ALDH1A1: variants seen among roughly 807,000 people sequenced by gnomAD.
ALDH1A1 encodes the protein aldehyde dehydrogenase 1A1.
ALDH1A1 carries 19 observed loss-of-function variants against 62.1 expected under a neutral mutation model. That is an observed-to-expected ratio of 0.31 (90% CI 0.21 to 0.45). The LOEUF is 0.45. Among genes scored for constraint, ALDH1A1 ranks in the 20% least tolerant of loss-of-function variants. The probability of loss-of-function intolerance (pLI) is 1.00; values close to 1 mark genes in which losing one functional copy is unlikely to be tolerated. For missense variants in ALDH1A1, 521 were observed against 607.1 expected (o/e 0.86, Z 1.49); for synonymous variants, 231 against 215.9 (o/e 1.07, Z -0.61).
At chr9:72,924,167 G>T in intron 6 of ALDH1A1, 35 bp from the exon 7 acceptor site, 1 of 1,457,142 alleles carries the variant, frequency 6.9e-7, no homozygotes, top group Non-Finnish European at 9.5e-7. Context: ...TACAGTATAA[G>T]AATTTAATTC....
intron 1 of ALDH1A1, among the ~76,000 whole-genome samples, chr9:72,949,258 G>A (rs944478975): frequency 6.6e-6 from 1 of 151,754 alleles, no homozygotes; most frequent in Non-Finnish European, 1.5e-5. Context: ...TTCTAAGTTG[G>A]CTGCAAACTT....
At chr9:72,932,553 T>C (rs1312700951) in intron 2 of ALDH1A1, among the ~76,000 whole-genome samples, 1 of 152,200 alleles carries the variant, frequency 6.6e-6, no homozygotes, top group Non-Finnish European at 1.5e-5. Flanking sequence ...GTGTAATACA[T>C]CACACACTGA....
In ALDH1A1 at chr9:72,901,111, C is replaced by G. The variant is rs1275874158; in HGVS notation, c.*97G>C. On this transcript the variant is annotated 3_prime_UTR_variant, in exon 13 of 13. Transcript: ENST00000297785. ...TGATTTAGCTTATGTTTAAAAAAAT[C>G]AAGAAAAGAAAAATTTTGTCTTTAA... 1 of 885,688 alleles carries G rather than the reference C, an allele frequency of 1.1e-6. No homozygotes were observed. The highest frequency in any genetic ancestry group is 1.7e-6 in the Non-Finnish European group (1 of 587,568). The allele number at this position is 885,688 out of a possible 1,614,324, so 54.9% of individuals were successfully genotyped here.
At chr9:72,934,213 A>T (rs1237158222) in intron 2 of ALDH1A1, among the ~76,000 whole-genome samples, 2 of 152,144 alleles carry the variant, frequency 1.3e-5, no homozygotes, top group African/African-American at 4.8e-5. Context: ...CACAGGGATT[A>T]TAGGTGTGTA....
chr9:72,908,218 G>A (rs773288009), intron 11 of ALDH1A1, among the ~76,000 whole-genome samples: 1 of 151,770 alleles, frequency 6.6e-6, no homozygotes, highest in Non-Finnish European at 1.5e-5. Context: ...TCAGGAGTTC[G>A]AGACCAGTCC....
At chr9:72,935,825 C>A (rs7852860) in intron 2 of ALDH1A1, among the ~76,000 whole-genome samples, 145,547 of 152,198 alleles carry the variant, frequency 0.96, 69,844 homozygotes, top group Non-Finnish European at 0.99. Context: ...TCATTATCTA[C>A]AGAGTCAGAT....
intron 2 of ALDH1A1, among the ~76,000 whole-genome samples, chr9:72,935,752 G>T (rs1445869118): frequency 6.6e-6 from 1 of 151,958 alleles, no homozygotes; most frequent in South Asian, 2.1e-4. Context: ...CCGTTGAAAG[G>T]CGGTATGTAG....
intron 10 of ALDH1A1, 87 bp downstream of exon 10, chr9:72,911,871 G>A: frequency 1.4e-6 from 2 of 1,436,654 alleles, no homozygotes; most frequent in South Asian, 2.3e-5. Context: ...GTTCCAAAGA[G>A]CTGGGAATTT....
chr9:72,942,440 C>G, intron 1 of ALDH1A1: 1 of 900,102 alleles, frequency 1.1e-6, no homozygotes, highest in Non-Finnish European at 1.3e-6. Context: ...CCCTAGGTAC[C>G]CTTTTGTATC....
chr9:72,933,281 G>A (rs887910413), intron 2 of ALDH1A1, among the ~76,000 whole-genome samples: 1 of 152,166 alleles, frequency 6.6e-6, no homozygotes, highest in Middle Eastern at 3.2e-3. Flanking sequence ...GCTAAAGACA[G>A]CAGAGTGAAG....
chr9:72,905,856 G>A, intron 12 of ALDH1A1, 102 bp downstream of exon 12: 2 of 911,618 alleles, frequency 2.2e-6, no homozygotes, highest in Non-Finnish European at 3.3e-6. Context: ...GGAAAGAACA[G>A]AGGCAGGTTT....
At chr9:72,924,519 C>A (rs1413029183) in intron 6 of ALDH1A1, among the ~76,000 whole-genome samples, 1 of 152,198 alleles carries the variant, frequency 6.6e-6, no homozygotes, top group Non-Finnish European at 1.5e-5. Context: ...CTGAAGGGAT[C>A]TAACATTTTT....
chr9:72,918,010 A>G (rs1014946501), intron 8 of ALDH1A1, among the ~76,000 whole-genome samples: 3 of 152,366 alleles, frequency 2.0e-5, no homozygotes, highest in Non-Finnish European at 4.4e-5. Flanking sequence ...AGATCAAAAC[A>G]GCAACATAGG....
chr9:72,952,154 G>C (rs149194989), intron 1 of ALDH1A1, among the ~76,000 whole-genome samples: 7 of 152,066 alleles, frequency 4.6e-5, no homozygotes, highest in African/African-American at 1.7e-4. Flanking sequence ...ATTTTGGTTA[G>C]ATTGTGTTTT....
At chr9:72,916,782 T>A (rs1328704991) in intron 9 of ALDH1A1, 138 bp downstream of exon 9, 1 of 630,460 alleles carries the variant, frequency 1.6e-6, no homozygotes. Context: ...AGATTGCTTT[T>A]AAACACCAAA....
chr9:72,917,770 TTAG>T (rs1247876447), intron 8 of ALDH1A1, among the ~76,000 whole-genome samples: 4 of 152,222 alleles, frequency 2.6e-5, no homozygotes, highest in African/African-American at 7.2e-5. Flanking sequence ...GGTTGCTTCC[TTAG>T]TAGACTCTAA....
chr9:72,931,098 A>G, intron 2 of ALDH1A1, 79 bp from the exon 3 acceptor site: 1 of 1,530,920 alleles, frequency 6.5e-7, no homozygotes, highest in Non-Finnish European at 9.0e-7. Flanking sequence ...CCTGTAAAAT[A>G]GACTGTAGTG....
At chr9:72,931,765 C>T (rs988820655) in intron 2 of ALDH1A1, among the ~76,000 whole-genome samples, 2 of 152,190 alleles carry the variant, frequency 1.3e-5, no homozygotes, top group South Asian at 4.1e-4. Flanking sequence ...GACAACCTCT[C>T]ATTTCCCAAC....
rs916233387 is a variant in ALDH1A1, at chr9:72,912,121, A to G, written c.1037T>C (p.Ile346Thr). 1 of 1,609,148 alleles carries G rather than the reference A, an allele frequency of 6.2e-7. No homozygotes were observed. The highest frequency in any genetic ancestry group is 8.5e-7 in the Non-Finnish European group (1 of 1,177,362). Residue 346 changes from isoleucine to threonine, a missense_variant and splice_region_variant, in exon 10 of 13, where the codon ATT (isoleucine) becomes ACT (threonine). Physicochemically the swap from Ile to Thr is moderately conservative, Grantham distance 89 (BLOSUM62 -1). Coordinates refer to ENST00000297785, the MANE Select transcript of ALDH1A1 (RefSeq NM_000689.5). Reference protein sequence around the residue: ...LTPGVTQGPQIDKEQYDKILD... With the variant: ...LTPGVTQGPQTDKEQYDKILD... ...TATTTTATCATATTGTTCCTTGTCA[A>G]TCTATTTGAAAAATATCACATGAAA...
Sources: allele counts gnomAD v4.1 joint callset (sites outside exome capture counted in the v4.1 genomes callset), GRCh38; gene constraint gnomAD v4.1.1; transcripts MANE v1.5; gene names NCBI Gene and HGNC (gene_info 2026-07-23, HGNC 2026-07-21).